Variants in LRRCC1 observed in about 807,000 individuals in gnomAD.
LRRCC1 encodes leucine rich repeat and coiled-coil centrosomal protein 1.
Under a neutral mutation model 126.0 loss-of-function variants are expected in LRRCC1, and 115 were observed. The observed-to-expected ratio is 0.91, with a 90% CI of 0.78 to 1.07. The LOEUF is 1.07. LRRCC1 is among the 50% of genes least tolerant of loss of function. LRRCC1 has a pLI of 0.00. For missense variants in LRRCC1, 1,172 were observed against 1,175.7 expected (o/e 1.00, Z 0.05); for synonymous variants, 400 against 393.4 (o/e 1.02, Z -0.20).
rs902499620 is a variant in LRRCC1, at chr8:85,107,386, A to G, written c.91A>G (p.Lys31Glu). ...CTGCGGGGATGTATGCTTCATGGAC[A>G]AAGGCTTGCAGAGGTAAAGGGCGCT... ...SSCGDVCFMDKGLQSISELSL... is the reference protein window; with the variant it reads ...SSCGDVCFMDEGLQSISELSL... The change falls in exon 1 of 19, where the codon AAA (lysine) becomes GAA (glutamate). Residue 31 changes from lysine to glutamate, a missense_variant. Lys to Glu is a moderately conservative substitution (Grantham distance 56). Coordinates refer to ENST00000360375, the MANE Select transcript of LRRCC1 (RefSeq NM_033402.5). 1.9e-6 allele frequency: 3 copies of G among 1,612,976 alleles called. No individual in the cohort carries two copies. The highest frequency in any genetic ancestry group is 2.2e-5 in the East Asian group (1 of 44,854).
chr8:85,131,595 A>G (rs559365969), intron 11 of LRRCC1, among the ~76,000 whole-genome samples, 165 bp from the exon 12 acceptor site: 1 of 152,318 alleles, frequency 6.6e-6, no homozygotes, highest in East Asian at 1.9e-4. Flanking sequence ...AATAAAACTC[A>G]TATTATTTGT....
chr8:85,121,428 TTTTGTTTTG>T (rs1809541992), intron 6 of LRRCC1, among the ~76,000 whole-genome samples: 2 of 151,346 alleles, frequency 1.3e-5, no homozygotes, highest in African/African-American at 4.9e-5. Context: ...TTGTTTTTTG[TTTTGTTTTG>T]TTTTGTTTTG....
chr8:85,107,309 CGGCGGTGGT>C lies in LRRCC1; in HGVS notation c.20_28del (p.Val7_Ala9del), dbSNP rs1178896417. On this transcript the variant is annotated inframe_deletion, in exon 1 of 19. Transcript: ENST00000360375. The stretch of plus-strand genomic sequence containing the variant: ...GTCGCCAGTGCTATGGAGGCGGCGG[CGGCGGTGGT>C]GGCGGCAGAGGCGGAAGTGGAAAAC... The C allele has an allele frequency of 1.9e-6, 3 of 1,611,594 alleles. No individual in the cohort carries two copies. The African/African-American group carries it at 4.0e-5, about 22-fold the overall frequency.
intron 18 of LRRCC1, among the ~76,000 whole-genome samples, chr8:85,142,810 C>T (rs1440701514): frequency 7.2e-6 from 1 of 138,748 alleles, no homozygotes; most frequent in Non-Finnish European, 1.5e-5. Flanking sequence ...CTAGCCTGGA[C>T]TACGGAGCGA....
intron 6 of LRRCC1, among the ~76,000 whole-genome samples, chr8:85,117,602 C>T (rs922971674): frequency 3.3e-5 from 5 of 152,026 alleles, no homozygotes; most frequent in African/African-American, 1.2e-4. Context: ...TCATAATTAA[C>T]CCTGCCGAAC....
chr8:85,141,416 G>A lies in LRRCC1; in HGVS notation c.2875G>A (p.Ala959Thr), dbSNP rs1811242982. 2 of 1,612,920 alleles carry A rather than the reference G, an allele frequency of 1.2e-6. No individual in the cohort carries two copies. The highest frequency in any genetic ancestry group is 4.5e-5 in the East Asian group (2 of 44,778). ...AMEKLHSMDD[A>T]FKRQVDAIVE... is the part of the protein sequence containing the mutation. ...GGAAAAACTTCATAGTATGGATGATGCCTTTAAAAGACAAGTTGATGCAAT... is the reference window on the plus strand; with the variant it reads ...GGAAAAACTTCATAGTATGGATGATACCTTTAAAAGACAAGTTGATGCAAT... Residue 959 changes from alanine (A) to threonine (T), a missense_variant, in exon 18 of 19, where the codon GCC (alanine) becomes ACC (threonine). Coordinates refer to ENST00000360375, the MANE Select transcript of LRRCC1 (RefSeq NM_033402.5).
At chr8:85,108,176 C>T (rs538034684) in intron 1 of LRRCC1, among the ~76,000 whole-genome samples, 5 of 152,330 alleles carry the variant, frequency 3.3e-5, no homozygotes, top group African/African-American at 1.2e-4. Flanking sequence ...TCCTTTGTAG[C>T]GTGTCCTCTA....
At chr8:85,107,572 A>C (rs1808340156) in intron 1 of LRRCC1, 173 bp downstream of exon 1, 2 of 522,668 alleles carry the variant, frequency 3.8e-6, no homozygotes, top group Non-Finnish European at 6.7e-6. Context: ...CCGAAGTGCC[A>C]GGTTGAATGA....
At chr8:85,135,149 G>A in intron 13 of LRRCC1, 117 bp downstream of exon 13, 1 of 617,472 alleles carries the variant, frequency 1.6e-6, no homozygotes, top group Non-Finnish European at 2.5e-6. Context: ...ATTATATATT[G>A]CATATAAGAA....
At chr8:85,126,647 G>A in intron 8 of LRRCC1, 42 bp from the exon 9 acceptor site, 1 of 1,569,492 alleles carries the variant, frequency 6.4e-7, no homozygotes, top group Non-Finnish European at 8.7e-7. Flanking sequence ...GAGAAGTTAG[G>A]TAACTTTTCT....
intron 10 of LRRCC1, 94 bp downstream of exon 10, chr8:85,129,473 G>C: frequency 9.5e-7 from 1 of 1,054,468 alleles, no homozygotes; most frequent in South Asian, 1.6e-5. Flanking sequence ...AAACCTAAAA[G>C]ATGTAAGGCC....
rs1282167164 is a variant in LRRCC1 at position 85,140,356 on chromosome 8, G to A, written c.2841-1026G>A. Among the ~76,000 whole-genome samples the A allele has an allele frequency of 2.0e-5, 3 of 152,082 alleles. No homozygotes were observed. In the East Asian group the frequency reaches 5.8e-4, roughly 29 times the overall value. On this transcript the variant is annotated intron_variant, in intron 17 of 18. Transcript: ENST00000360375. ...AACCCAACAGTAATCCTGTAAGGTT[G>A]GCAGAACAGTCCTGTTTTATAGTTG... is the stretch of plus-strand genomic sequence containing the variant.
chr8:85,131,742 A>T lies in LRRCC1; in HGVS notation c.1767-18A>T, dbSNP rs765647696. On this transcript the variant is annotated intron_variant, in intron 11 of 18. Coordinates refer to ENST00000360375, the MANE Select transcript of LRRCC1 (RefSeq NM_033402.5). ...AGGTGAGTATCATCCTTTTATCTTT[A>T]TATGTTTTTCACTCCAGGAAGGAAC... 6.3e-7 allele frequency: 1 copy of T among 1,587,794 alleles called. No individual in the cohort carries two copies. Among genetic ancestry groups the T allele is most frequent in the South Asian group, 1.1e-5 (1 of 87,762 alleles).
chr8:85,126,693 TTGTTG>T lies in LRRCC1; in HGVS notation c.1278_1282del (p.Val427ThrfsTer13). 1 of 1,610,036 alleles carries T rather than the reference TTGTTG, an allele frequency of 6.2e-7. No individual in the cohort carries two copies. The highest frequency in any genetic ancestry group is 1.7e-5 in the Admixed American group (1 of 59,170). On this transcript the variant is annotated frameshift_variant, in exon 9 of 19. Transcript: ENST00000360375. LOFTEE classifies it high-confidence loss of function. Reference sequence around the variant, plus strand: ...AACTTTGTTGTTTTCTTTCAGTCCCTTGTTGAACAGCTAGACCAAGAGAGAGAGAA... The same window carrying T: ...AACTTTGTTGTTTTCTTTCAGTCCCTAACAGCTAGACCAAGAGAGAGAGAA...
chr8:85,115,401 A>C lies in LRRCC1; in HGVS notation c.747A>C (p.Thr249=). 6.2e-7 allele frequency: 1 copy of C among 1,613,404 alleles called. No individual in the cohort carries two copies. The highest frequency in any genetic ancestry group is 8.5e-7 in the Non-Finnish European group (1 of 1,179,402). Residue 249 remains threonine (T), a synonymous_variant, in exon 6 of 19, where the codon ACA becomes ACC. Coordinates refer to ENST00000360375, the MANE Select transcript of LRRCC1 (RefSeq NM_033402.5). ...TCATTGATAGAATGCCAGTGATAAC[A>C]GCACCTATCGATGAGTTAGTTCCCT... The part of the protein sequence containing the change: ...DEIIDRMPVI[T]APIDELVPLE...
In LRRCC1 at chr8:85,122,071, T is replaced by C. The variant is rs551491914; in HGVS notation, c.931-1342T>C. Among the ~76,000 whole-genome samples the C allele has an allele frequency of 2.3e-4, 35 of 152,326 alleles. No individual in the cohort carries two copies. The South Asian group carries it at 6.8e-3, about 30-fold the overall frequency. On this transcript the variant is annotated intron_variant, in intron 6 of 18. Coordinates refer to ENST00000360375, the MANE Select transcript of LRRCC1 (RefSeq NM_033402.5). ...TGTAGAATTCTCAATTGACAATTTT[T>C]TTTTCTTTCAGTACTGTGCCTGGCC...
chr8:85,130,102 G>C, intron 11 of LRRCC1, 44 bp downstream of exon 11: 359 of 1,157,766 alleles, frequency 3.1e-4, no homozygotes, highest in Middle Eastern at 1.0e-3. Context: ...TTTAAAAAAA[G>C]AAAAAGAAAG....
intron 1 of LRRCC1, chr8:85,108,930 A>T (rs1178480615): frequency 6.6e-6 from 1 of 152,304 alleles, no homozygotes; most frequent in African/African-American, 2.4e-5. Flanking sequence ...GGGGAGATCC[A>T]TTAACTTTCA....
chr8:85,131,613 T>G, intron 11 of LRRCC1, 147 bp from the exon 12 acceptor site: 1 of 608,928 alleles, frequency 1.6e-6, no homozygotes, highest in Non-Finnish European at 2.9e-6. Flanking sequence ...TGTACCTATC[T>G]ATGCCCAATT....
Sources: allele counts gnomAD v4.1 joint callset (sites outside exome capture counted in the v4.1 genomes callset), GRCh38; gene constraint gnomAD v4.1.1; transcripts MANE v1.5; gene names NCBI Gene and HGNC (gene_info 2026-07-23, HGNC 2026-07-21).